LOC128125817: variants seen among roughly 807,000 people sequenced by gnomAD.
chr1:41,607,186 C>G, the LOC128125817 span, among the ~76,000 whole-genome samples: 5 of 152,074 alleles, frequency 3.3e-5, no homozygotes, highest in Non-Finnish European at 7.4e-5. Context: ...CTACCCACCC[C>G]CTGACTGTCT....
the LOC128125817 span, among the ~76,000 whole-genome samples, chr1:41,597,957 T>C: frequency 1.3e-5 from 2 of 152,362 alleles, no homozygotes; most frequent in African/African-American, 4.8e-5. Context: ...CATAGCTAGC[T>C]ATCCACCTAC....
the LOC128125817 span, among the ~76,000 whole-genome samples, chr1:41,627,378 T>A: frequency 6.6e-6 from 1 of 152,198 alleles, no homozygotes; most frequent in Non-Finnish European, 1.5e-5. Flanking sequence ...GGCTGGGATT[T>A]GAACTCAGGG....
At chr1:41,620,050 T>C in the LOC128125817 span, among the ~76,000 whole-genome samples, 1 of 151,890 alleles carries the variant, frequency 6.6e-6, no homozygotes, top group Non-Finnish European at 1.5e-5. Flanking sequence ...ATCTGTTGAA[T>C]GAATAAAAGA....
chr1:41,612,986 G>A, the LOC128125817 span, among the ~76,000 whole-genome samples: 3 of 152,346 alleles, frequency 2.0e-5, no homozygotes, highest in South Asian at 6.2e-4. Flanking sequence ...CTGGCAGGGT[G>A]AATGCAGCAC....
the LOC128125817 span, among the ~76,000 whole-genome samples, chr1:41,608,377 T>G: frequency 2.0e-5 from 3 of 152,200 alleles, no homozygotes; most frequent in Admixed American, 2.0e-4. Context: ...CCACATCCAG[T>G]CTGCTAGAGA....
the LOC128125817 span, among the ~76,000 whole-genome samples, chr1:41,609,402 C>T: frequency 2.6e-5 from 4 of 152,260 alleles, no homozygotes; most frequent in Non-Finnish European, 5.9e-5. Flanking sequence ...CAGTCAATGA[C>T]CCGACTGCCT....
At chr1:41,593,070 C>T in the LOC128125817 span, among the ~76,000 whole-genome samples, 2 of 152,192 alleles carry the variant, frequency 1.3e-5, no homozygotes, top group Non-Finnish European at 2.9e-5. Flanking sequence ...CTAGTTTTGT[C>T]GAGACCAGAA....
the LOC128125817 span, among the ~76,000 whole-genome samples, chr1:41,602,846 GC>G: frequency 6.6e-6 from 1 of 151,776 alleles, no homozygotes; most frequent in African/African-American, 2.4e-5. Context: ...TTTAATGTAG[GC>G]ATTTATCACA....
At chr1:41,624,697 T>C in the LOC128125817 span, among the ~76,000 whole-genome samples, 19 of 152,340 alleles carry the variant, frequency 1.2e-4, no homozygotes, top group South Asian at 3.9e-3. Context: ...GTCTGACTTA[T>C]GTGTGTAATA....
chr1:41,623,136 G>C, the LOC128125817 span, among the ~76,000 whole-genome samples: 2 of 152,148 alleles, frequency 1.3e-5, no homozygotes, highest in Admixed American at 6.5e-5. Flanking sequence ...AGATCCCTTC[G>C]AGCCTCCCTG....
At chr1:41,586,331 G>A in the LOC128125817 span, among the ~76,000 whole-genome samples, 1 of 152,128 alleles carries the variant, frequency 6.6e-6, no homozygotes, top group African/African-American at 2.4e-5. Context: ...GAGTCACCAT[G>A]GACTCCATCT....
chr1:41,620,596 C>T, the LOC128125817 span, among the ~76,000 whole-genome samples: 1 of 152,168 alleles, frequency 6.6e-6, no homozygotes. Context: ...GCAGCTTCCA[C>T]AGCTGCACAC....
the LOC128125817 span, among the ~76,000 whole-genome samples, chr1:41,593,997 A>T: frequency 6.6e-6 from 1 of 152,062 alleles, no homozygotes; most frequent in Non-Finnish European, 1.5e-5. Context: ...TCTCATAACA[A>T]ATCATTCTAA....
chr1:41,587,063 G>GA, the LOC128125817 span, among the ~76,000 whole-genome samples: 10 of 152,100 alleles, frequency 6.6e-5, no homozygotes, highest in African/African-American at 2.4e-4. Context: ...AGAAAAGGGA[G>GA]ATTTGGTCCA....
chr1:41,593,011 T>C, the LOC128125817 span, among the ~76,000 whole-genome samples: 2 of 152,194 alleles, frequency 1.3e-5, no homozygotes, highest in Non-Finnish European at 2.9e-5. Flanking sequence ...AATCCCCAAA[T>C]CTGGTTGTTT....
At chr1:41,607,519 T>A in the LOC128125817 span, among the ~76,000 whole-genome samples, 218 of 151,914 alleles carry the variant, frequency 1.4e-3, 2 homozygotes, top group Admixed American at 0.013. Context: ...TCTTACTTAC[T>A]GTTAAGGATA....
At chr1:41,617,290 T>C in the LOC128125817 span, among the ~76,000 whole-genome samples, 1 of 152,236 alleles carries the variant, frequency 6.6e-6, no homozygotes, top group African/African-American at 2.4e-5. Flanking sequence ...AGTGGAAACA[T>C]GGATCAATGT....
At chr1:41,587,374 C>A in the LOC128125817 span, among the ~76,000 whole-genome samples, 1 of 152,164 alleles carries the variant, frequency 6.6e-6, no homozygotes, top group African/African-American at 2.4e-5. Context: ...GGAAGACAGA[C>A]AAATCTCATT....
chr1:41,622,429 T>C, the LOC128125817 span, among the ~76,000 whole-genome samples: 1 of 152,166 alleles, frequency 6.6e-6, no homozygotes, highest in Non-Finnish European at 1.5e-5. Context: ...GGGAACAGGC[T>C]GAACTGGGAA....
Sources: gnomAD v4.1 joint callset for allele counts (sites outside exome capture counted in the v4.1 genomes callset) on GRCh38, gnomAD v4.1.1 for gene constraint, MANE v1.5 for transcripts.